SRRT: variants seen among roughly 807,000 people sequenced by gnomAD.
SRRT encodes serrate, RNA effector molecule.
Under a neutral mutation model 103.2 loss-of-function variants are expected in SRRT, and 32 were observed. The observed-to-expected ratio is 0.31, with a 90% CI of 0.23 to 0.42. SRRT has a LOEUF of 0.42. Among genes scored for constraint, SRRT ranks in the 10% least tolerant of loss-of-function variants. The probability of loss-of-function intolerance (pLI) is 1.00; values close to 1 mark genes in which losing one functional copy is unlikely to be tolerated. For synonymous variants in SRRT, 525 were observed against 449.0 expected, an observed-to-expected ratio of 1.17 and a Z score of -2.14; for missense variants, 986 against 1,207.5, an observed-to-expected ratio of 0.82 and a Z score of 2.72.
Position 100,882,276 on chromosome 7 carries a change from G to T in SRRT, c.587+35G>T, listed in dbSNP as rs1333815298. 3 of 1,603,498 alleles carry T rather than the reference G, an allele frequency of 1.9e-6. No individual in the cohort carries two copies. In the East Asian group the frequency reaches 6.7e-5, roughly 36 times the overall value. On this transcript the variant is annotated intron_variant, in intron 5 of 19. Transcript: ENST00000611405. This position sits in a 1 kb window ranked among gnomAD's most constrained non-coding sequence, Gnocchi z 4.2. ...CCTACTTCCCTGGACCTCTGCCCTG[G>T]CATGTCCCCCTGGCCCCGCTGGTGG...
chr7:100,882,039 G>C lies in SRRT; in HGVS notation c.399-14G>C, dbSNP rs1789624665. The C allele has an allele frequency of 1.2e-6, 2 of 1,606,808 alleles. No homozygotes were observed. Among genetic ancestry groups the C allele is most frequent in the Non-Finnish European group, 1.7e-6 (2 of 1,176,888 alleles). ...CCCCAAAAACCAAGCCTTCCTGACCGGGGTCCCCTCCAGGCTGGGCAGCAT... is the reference window on the plus strand; with the variant it reads ...CCCCAAAAACCAAGCCTTCCTGACCCGGGTCCCCTCCAGGCTGGGCAGCAT... On this transcript the variant is annotated splice_polypyrimidine_tract_variant and intron_variant, in intron 4 of 19. Coordinates refer to ENST00000611405, the MANE Select transcript of SRRT (RefSeq NM_015908.6). The surrounding 1 kb of genome is among the most constrained non-coding windows in gnomAD (Gnocchi z 4.2).
intron 2 of SRRT, among the ~76,000 whole-genome samples, chr7:100,879,606 A>G (rs1487199094): frequency 6.6e-6 from 1 of 152,200 alleles, no homozygotes; most frequent in African/African-American, 2.4e-5. Context: ...AGGTTTTGGA[A>G]CATTTCGTTT....
chr7:100,887,990 AC>A lies in SRRT; in HGVS notation c.2327-49del, dbSNP rs2115913082. The A allele has an allele frequency of 6.6e-7, 1 of 1,521,884 alleles. No homozygotes were observed. The highest frequency in any genetic ancestry group is 2.3e-5 in the East Asian group (1 of 43,876). 94.3% of individuals were successfully genotyped at this position (1,521,884 alleles called of 1,614,324 possible). A position where few individuals can be genotyped will look rare whatever the true frequency, so the allele number is the denominator to read the frequency against. ...GGCCATAGCCCTAGAAGTCAATTGT[AC>A]CCGTATCCCCCTCCCCGCCCCCGCA... On this transcript the variant is annotated intron_variant, in intron 17 of 19. Transcript: ENST00000611405. This position sits in a 1 kb window ranked among gnomAD's most constrained non-coding sequence, Gnocchi z 4.1.
At chr7:100,877,636 C>T (rs1584732040) in intron 2 of SRRT, among the ~76,000 whole-genome samples, 2 of 151,832 alleles carry the variant, frequency 1.3e-5, no homozygotes, top group East Asian at 4.0e-4. Flanking sequence ...ATTCTCCTGC[C>T]TCAGCCTCCC....
In SRRT at chr7:100,884,219, T is replaced by C; in HGVS notation, c.737T>C (p.Ile246Thr). The change falls in exon 6 of 20, where the codon ATT (isoleucine) becomes ACT (threonine). Residue 246 changes from isoleucine to threonine, a missense_variant. This residue lies in a region of SRRT where 274 missense variants were observed against 358.5 expected (regional missense o/e 0.76). Transcript: ENST00000611405. ...CTGGACATAGACAAAGCTGATGCCA[T>C]TGTCAAGATGCTGGATGCAGGTGTG... ...LLLDIDKADA[I>T]VKMLDAAVIK... The C allele has an allele frequency of 6.2e-7, 1 of 1,614,002 alleles. No individual in the cohort carries two copies. Among genetic ancestry groups the C allele is most frequent in the South Asian group, 1.1e-5 (1 of 91,078 alleles).
intron 2 of SRRT, 89 bp downstream of exon 2, chr7:100,875,801 T>C: frequency 6.5e-7 from 1 of 1,531,980 alleles, no homozygotes; most frequent in Non-Finnish European, 9.0e-7. Context: ...GTAATTTTTA[T>C]GAGGGCGAAT....
At position 100,882,452 on chromosome 7, in the gene SRRT, C is replaced by T. The variant is rs1331039064; in HGVS notation, c.587+211C>T. ...CCCGCCCTGTCTCCTGTCCTGCTGT[C>T]CTCAGAGAGTGGGACACCTCCAGGC... On this transcript the variant is annotated intron_variant, in intron 5 of 19. Coordinates refer to ENST00000611405, the MANE Select transcript of SRRT (RefSeq NM_015908.6). The surrounding 1 kb of genome is among the most constrained non-coding windows in gnomAD (Gnocchi z 4.2). 3.2e-5 allele frequency: 17 copies of T among 534,886 alleles called. No individual in the cohort carries two copies. Among genetic ancestry groups the T allele is most frequent in the Admixed American group, 7.0e-5 (2 of 28,774 alleles). The allele number at this position is 534,886 out of a possible 1,614,324, so 33.1% of individuals were successfully genotyped here.
In SRRT at chr7:100,882,271, C is replaced by A; in HGVS notation, c.587+30C>A. On this transcript the variant is annotated intron_variant, in intron 5 of 19. Transcript: ENST00000611405. This position sits in a 1 kb window ranked among gnomAD's most constrained non-coding sequence, Gnocchi z 4.2. ...GTGCCCCTACTTCCCTGGACCTCTG[C>A]CCTGGCATGTCCCCCTGGCCCCGCT... is the stretch of plus-strand genomic sequence containing the variant. 6.2e-7 allele frequency: 1 copy of A among 1,606,042 alleles called. No individual in the cohort carries two copies. The highest frequency in any genetic ancestry group is 8.5e-7 in the Non-Finnish European group (1 of 1,174,842).
rs545606006 is a variant in SRRT, at chr7:100,882,354, C to T, written c.587+113C>T. ...TTCCCTGTCCAGAACTTTCTGGGGG[C>T]GGGGGTCGGGAAGTATGACAGCATT... On this transcript the variant is annotated intron_variant, in intron 5 of 19. Coordinates refer to ENST00000611405, the MANE Select transcript of SRRT (RefSeq NM_015908.6). The surrounding 1 kb of genome is among the most constrained non-coding windows in gnomAD (Gnocchi z 4.2). 62 of 1,238,074 alleles carry T rather than the reference C, an allele frequency of 5.0e-5. No homozygotes were observed. The South Asian group carries it at 6.0e-4, about 12-fold the overall frequency. 76.7% of individuals were successfully genotyped at this position (1,238,074 alleles called of 1,614,324 possible).
intron 19 of SRRT, 34 bp downstream of exon 19, chr7:100,888,417 C>T (rs140228675): frequency 9.9e-6 from 16 of 1,612,606 alleles, no homozygotes; most frequent in African/African-American, 1.3e-5. Flanking sequence ...TTTGTTGCCG[C>T]CTGCAGACTC....
rs578170813 is a variant in SRRT, at chr7:100,888,127, G to A, written c.2412G>A (p.Pro804=). 31 of 1,610,412 alleles carry A rather than the reference G, an allele frequency of 1.9e-5. No homozygotes were observed. The highest frequency in any genetic ancestry group is 1.3e-4 in the African/African-American group (10 of 74,864). Residue 804 remains proline, a synonymous_variant, in exon 18 of 20, where the codon CCG becomes CCA. Transcript: ENST00000611405. ...GLMPYGQPRP[P]ILGYGAGAVR... ...TGCCCTATGGTCAGCCCCGGCCCCC[G>A]ATCTTGGGCTATGGAGGTAAGTACA...
At position 100,887,936 on chromosome 7, in the gene SRRT, C is replaced by T; in HGVS notation, c.2326+77C>T. ...GGACTCCTGTTTCTCTTTAACGTGT[C>T]ACCCCGAGAAGTTTCTGCCCCATCC... On this transcript the variant is annotated intron_variant, in intron 17 of 19. Coordinates refer to ENST00000611405, the MANE Select transcript of SRRT (RefSeq NM_015908.6). This position sits in a 1 kb window ranked among gnomAD's most constrained non-coding sequence, Gnocchi z 4.1. The T allele has an allele frequency of 6.5e-7, 1 of 1,548,036 alleles. No homozygotes were observed. Among genetic ancestry groups the T allele is most frequent in the South Asian group, 1.2e-5 (1 of 83,240 alleles).
intron 2 of SRRT, among the ~76,000 whole-genome samples, chr7:100,879,826 AG>A (rs1309207262): frequency 2.1e-5 from 3 of 139,706 alleles, no homozygotes; most frequent in East Asian, 2.3e-4. Flanking sequence ...AAAAAAAAAA[AG>A]AAGAAGAAGA....
In SRRT at chr7:100,885,197, C is replaced by T. The variant is rs758627780; in HGVS notation, c.1160-16C>T. The T allele has an allele frequency of 1.2e-5, 19 of 1,611,060 alleles. No homozygotes were observed. The highest frequency in any genetic ancestry group is 1.2e-4 in the Admixed American group (7 of 59,574). On this transcript the variant is annotated splice_polypyrimidine_tract_variant and intron_variant, in intron 9 of 19. Transcript: ENST00000611405. The surrounding 1 kb of genome is among the most constrained non-coding windows in gnomAD (Gnocchi z 4.8). ...TAAAAATGCACCAACTCCTTCCTAC[C>T]CCCCTTCCTGCCTAGAAGAAGCGCT... is the stretch of plus-strand genomic sequence containing the variant.
intron 5 of SRRT, 120 bp from the exon 6 acceptor site, chr7:100,883,950 T>G: frequency 2.9e-5 from 32 of 1,120,580 alleles, no homozygotes; most frequent in Non-Finnish European, 3.6e-5. Context: ...TCTATTTTGA[T>G]GACCTTTTGT....
chr7:100,875,879 T>C (rs1815637652), intron 2 of SRRT, 167 bp downstream of exon 2: 1 of 777,338 alleles, frequency 1.3e-6, no homozygotes. Flanking sequence ...AATAACTAGC[T>C]GTGGCTTGGT....
chr7:100,876,358 G>A (rs1815708823), intron 2 of SRRT, among the ~76,000 whole-genome samples: 1 of 152,160 alleles, frequency 6.6e-6, no homozygotes, highest in African/African-American at 2.4e-5. Context: ...CACCATGTTG[G>A]CTAGGCTGGT....
chr7:100,878,677 C>T (rs1370550595), intron 2 of SRRT, among the ~76,000 whole-genome samples: 1 of 150,518 alleles, frequency 6.6e-6, no homozygotes. Flanking sequence ...TTTCCAACTC[C>T]TTATCAGTAT....
At chr7:100,879,012 T>C (rs1004141122) in intron 2 of SRRT, among the ~76,000 whole-genome samples, 2 of 152,044 alleles carry the variant, frequency 1.3e-5, no homozygotes, top group Non-Finnish European at 2.9e-5. Context: ...TGGAGTATAG[T>C]GGCGTGATCT....
Sources: allele counts gnomAD v4.1 joint callset (sites outside exome capture counted in the v4.1 genomes callset), GRCh38; gene constraint gnomAD v4.1.1; regional missense constraint gnomAD v4.1.1; non-coding constraint Gnocchi (gnomAD v3.1); transcripts MANE v1.5; gene names NCBI Gene and HGNC (gene_info 2026-07-23, HGNC 2026-07-21).